Variants in C2CD3 observed in about 807,000 individuals in gnomAD.
C2CD3 encodes C2 domain-containing protein 3.
Under a neutral mutation model 234.0 loss-of-function variants are expected in C2CD3, and 148 were observed. That is an observed-to-expected ratio of 0.63 (90% CI 0.55 to 0.72). The LOEUF is 0.72. Among genes scored for constraint, C2CD3 ranks in the 30% least tolerant of loss-of-function variants. The pLI is 0.00. For synonymous variants in C2CD3, 1,000 were observed against 1,035.4 expected (o/e 0.97, Z 0.66); for missense variants, 2,577 against 2,811.5 (o/e 0.92, Z 1.89).
chr11:74,084,174 T>A (rs1338806770), intron 22 of C2CD3, among the ~76,000 whole-genome samples: 1 of 152,134 alleles, frequency 6.6e-6, no homozygotes, highest in Non-Finnish European at 1.5e-5. Flanking sequence ...ACCATCATTC[T>A]GAGCAAACTA....
intron 23 of C2CD3, among the ~76,000 whole-genome samples, chr11:74,076,186 G>A (rs1955031606): frequency 2.6e-5 from 4 of 152,138 alleles, no homozygotes; most frequent in Admixed American, 2.6e-4. Flanking sequence ...AGATAAAACA[G>A]AGCACATGGC....
intron 3 of C2CD3, among the ~76,000 whole-genome samples, chr11:74,148,428 T>TTATATGTGTGTATATAAGA (rs754335956): frequency 6.6e-6 from 1 of 151,576 alleles, no homozygotes; most frequent in Non-Finnish European, 1.5e-5. Context: ...CACATATACC[T>TTATATGTGTGTATATAAGA]TATATGTGTG....
At chr11:74,042,439 C>A (rs190975338) in intron 28 of C2CD3, among the ~76,000 whole-genome samples, 23 of 152,172 alleles carry the variant, frequency 1.5e-4, no homozygotes, top group Middle Eastern at 3.4e-3. Context: ...TTCTTCACAA[C>A]AAGCAGAGTG....
chr11:74,109,749 T>A (rs1956673222), intron 11 of C2CD3, among the ~76,000 whole-genome samples: 1 of 152,108 alleles, frequency 6.6e-6, no homozygotes, highest in Admixed American at 6.5e-5. Flanking sequence ...GAGTTTGTGC[T>A]CATGGCCATG....
Position 74,085,093 on chromosome 11 carries a change from G to C in C2CD3, c.3911-123C>G, listed in dbSNP as rs1246503075. On this transcript the variant is annotated intron_variant, in intron 21 of 32. Transcript: ENST00000334126. ...AATCTTAGTTTTGTAAAATGCATTAGAGATTATCTTGCTCTTGCTCATGCC... is the reference window on the plus strand; with the variant it reads ...AATCTTAGTTTTGTAAAATGCATTACAGATTATCTTGCTCTTGCTCATGCC... 5 of 567,318 alleles carry C rather than the reference G, an allele frequency of 8.8e-6. No homozygotes were observed. The East Asian group carries it at 1.2e-4, about 13-fold the overall frequency. 35.1% of individuals were successfully genotyped at this position (567,318 alleles called of 1,614,324 possible). A position where few individuals can be genotyped will look rare whatever the true frequency, so the allele number is the denominator to read the frequency against.
Position 74,103,152 on chromosome 11 carries a change from T to C in C2CD3, c.2559A>G (p.Gln853=), listed in dbSNP as rs369638729. The C allele has an allele frequency of 5.0e-6, 8 of 1,612,382 alleles. No individual in the cohort carries two copies. The highest frequency in any genetic ancestry group is 5.9e-6 in the Non-Finnish European group (7 of 1,178,658). ...TRSVIAWGTT[Q]PVFNFSQVIP... is the part of the protein sequence containing the mutation. Reference sequence around the variant, plus strand: ...TTACCTGAGAAAAGTTAAAGACCGGTTGTGTTGTGCCCCATGCGATGACAG... The same window carrying C: ...TTACCTGAGAAAAGTTAAAGACCGGCTGTGTTGTGCCCCATGCGATGACAG... The change falls in exon 14 of 33, where the codon CAA becomes CAG. Residue 853 remains glutamine (Q), a synonymous_variant. Coordinates refer to ENST00000334126, the MANE Select transcript of C2CD3 (RefSeq NM_001286577.2).
intron 31 of C2CD3, among the ~76,000 whole-genome samples, chr11:74,031,471 A>G (rs1368597965): frequency 6.6e-6 from 1 of 152,112 alleles, no homozygotes; most frequent in Non-Finnish European, 1.5e-5. Flanking sequence ...CACAATGCCT[A>G]TTCATCTTTA....
intron 22 of C2CD3, among the ~76,000 whole-genome samples, chr11:74,080,608 A>C (rs373591835): frequency 1.3e-5 from 2 of 152,338 alleles, no homozygotes; most frequent in African/African-American, 4.8e-5. Context: ...GTAGGAAAAA[A>C]CAAAATAGAG....
chr11:74,049,240 G>A (rs1012532268), intron 27 of C2CD3, 97 bp downstream of exon 27: 4 of 971,222 alleles, frequency 4.1e-6, no homozygotes, highest in African/African-American at 3.2e-5. Flanking sequence ...AGTATATAAC[G>A]TATTCTATAA....
intron 32 of C2CD3, among the ~76,000 whole-genome samples, chr11:74,022,306 C>T (rs1026477356): frequency 6.6e-6 from 1 of 152,012 alleles, no homozygotes; most frequent in South Asian, 2.1e-4. Context: ...GCAGGAGTAA[C>T]TACATGGATG....
At chr11:74,071,027 A>G (rs989669939) in intron 24 of C2CD3, among the ~76,000 whole-genome samples, 1 of 152,128 alleles carries the variant, frequency 6.6e-6, no homozygotes, top group African/African-American at 2.4e-5. Flanking sequence ...ATACTACCAC[A>G]TCCACCTCCC....
intron 20 of C2CD3, among the ~76,000 whole-genome samples, chr11:74,088,431 A>T (rs1329941165): frequency 6.6e-6 from 1 of 152,236 alleles, no homozygotes; most frequent in Non-Finnish European, 1.5e-5. Flanking sequence ...ATTGTCTCAC[A>T]TCCTGTGAAC....
At position 74,078,099 on chromosome 11, in the gene C2CD3, C is replaced by T; in HGVS notation, c.4603+16G>A. On this transcript the variant is annotated intron_variant, in intron 23 of 32. Coordinates refer to ENST00000334126, the MANE Select transcript of C2CD3 (RefSeq NM_001286577.2). The stretch of plus-strand genomic sequence containing the variant: ...GGTGCTCAAACTACAAGAGTTGAAT[C>T]AGGCTCCTCACTTACCACTGACAGT... 1 of 1,603,878 alleles carries T rather than the reference C, an allele frequency of 6.2e-7. No homozygotes were observed.
Position 74,091,836 on chromosome 11 carries a change from A to C in C2CD3, c.3517+580T>G, listed in dbSNP as rs1310028996. 4.6e-5 allele frequency among the ~76,000 whole-genome samples: 7 copies of C among 152,310 alleles called. No homozygotes were observed. The East Asian group carries it at 1.4e-3, about 29-fold the overall frequency. On this transcript the variant is annotated intron_variant, in intron 19 of 32. Coordinates refer to ENST00000334126, the MANE Select transcript of C2CD3 (RefSeq NM_001286577.2). ...GAAATGAGACAAGCAACATTTACATAGACTCCATGGAGCTATGAGTTTTCT... is the reference window on the plus strand; with the variant it reads ...GAAATGAGACAAGCAACATTTACATCGACTCCATGGAGCTATGAGTTTTCT...
intron 3 of C2CD3, among the ~76,000 whole-genome samples, chr11:74,149,429 G>A (rs1855447067): frequency 6.6e-6 from 1 of 152,078 alleles, no homozygotes; most frequent in Non-Finnish European, 1.5e-5. Flanking sequence ...GTGAACTCCT[G>A]GGCTCAAGTG....
At chr11:74,129,402 G>A (rs1241642792) in intron 7 of C2CD3, 3 of 176,220 alleles carry the variant, frequency 1.7e-5, no homozygotes, top group African/African-American at 2.4e-5. Context: ...AGACGGGGTC[G>A]CGGCCGGGCA....
At chr11:74,144,547 C>T (rs1855035252) in intron 3 of C2CD3, among the ~76,000 whole-genome samples, 1 of 151,954 alleles carries the variant, frequency 6.6e-6, no homozygotes, top group East Asian at 1.9e-4. Context: ...ATTTCATTAC[C>T]CAGGTACTAA....
intron 5 of C2CD3, among the ~76,000 whole-genome samples, chr11:74,135,994 T>C (rs1957851428): frequency 6.6e-6 from 1 of 151,750 alleles, no homozygotes; most frequent in Non-Finnish European, 1.5e-5. Flanking sequence ...GGGGCAAGGG[T>C]TGAAAAACTA....
chr11:74,075,404 C>G (rs1289094807), intron 23 of C2CD3, among the ~76,000 whole-genome samples: 1 of 151,840 alleles, frequency 6.6e-6, no homozygotes, highest in East Asian at 1.9e-4. Flanking sequence ...TAGCAGGAGA[C>G]CAGAAATAAA....
Sources: gnomAD v4.1 joint callset for allele counts (sites outside exome capture counted in the v4.1 genomes callset) on GRCh38, gnomAD v4.1.1 for gene constraint, MANE v1.5 for transcripts, NCBI Gene and HGNC (gene_info 2026-07-23, HGNC 2026-07-21) for gene names.